Variants in NEXMIF observed in about 807,000 individuals in gnomAD.
The protein encoded by NEXMIF is neurite extension and migration factor.
A neutral mutation model predicts 62.1 loss-of-function variants in NEXMIF; 8 were observed. The observed-to-expected ratio is 0.13, with a 90% CI of 0.08 to 0.23. The LOEUF is 0.23. NEXMIF is among the 10% of genes least tolerant of loss of function. The pLI, the probability that NEXMIF is intolerant of heterozygous loss-of-function variation, is 1.00. For missense variants in NEXMIF, 976 were observed against 1,113.3 expected, an observed-to-expected ratio of 0.88 and a Z score of 1.75; for synonymous variants, 404 against 416.6, an observed-to-expected ratio of 0.97 and a Z score of 0.37.
intron 1 of NEXMIF, among the ~76,000 whole-genome samples, chrX:74,784,022 T>C (rs888175248): frequency 9.0e-6 from 1 of 111,725 alleles, no homozygotes; most frequent in Non-Finnish European, 1.9e-5. Context: ...AGAGGGCAAA[T>C]TTTTATAAAA....
chrX:74,759,020 C>T (rs1011793267), intron 1 of NEXMIF, among the ~76,000 whole-genome samples: 9 of 112,455 alleles, frequency 8.0e-5, no homozygotes, highest in African/African-American at 2.9e-4. Flanking sequence ...CTCCCACCAA[C>T]AGTGTATAAG....
At chrX:74,907,804 C>G (rs1356843067) in intron 1 of NEXMIF, among the ~76,000 whole-genome samples, 5 of 111,326 alleles carry the variant, frequency 4.5e-5, no homozygotes, top group Non-Finnish European at 9.4e-5. Flanking sequence ...CAAAAAACAC[C>G]AGTATATGAT....
At chrX:74,789,068 C>T (rs2147462708) in intron 1 of NEXMIF, among the ~76,000 whole-genome samples, 1 of 107,737 alleles carries the variant, frequency 9.3e-6, no homozygotes, top group East Asian at 2.9e-4. Flanking sequence ...TGCTGGTGCA[C>T]TGCACCCACT....
chrX:74,742,793 C>A lies in NEXMIF; in HGVS notation c.1764G>T (p.Trp588Cys), dbSNP rs2080111495. 1 of 1,209,196 alleles carries A rather than the reference C, an allele frequency of 8.3e-7. No individual in the cohort carries two copies. Among genetic ancestry groups the A allele is most frequent in the African/African-American group, 1.8e-5 (1 of 56,926 alleles). ...TGTTTCTCTGCTTCTTCTTCTTTTGCCAGAAGCCTTTCAAGGGTGCCAGCT... is the reference window on the plus strand; with the variant it reads ...TGTTTCTCTGCTTCTTCTTCTTTTGACAGAAGCCTTTCAAGGGTGCCAGCT... ...YAKLAPLKGF[W>C]QKKKKQRNTN... The change falls in exon 3 of 4, where the codon TGG (tryptophan) becomes TGT (cysteine). Residue 588 changes from tryptophan to cysteine, a missense_variant. This residue lies in a region of NEXMIF where 639 missense variants were observed against 694.5 expected (regional missense o/e 0.92). Coordinates refer to ENST00000055682, the MANE Select transcript of NEXMIF (RefSeq NM_001008537.3).
At chrX:74,892,647 G>A (rs1374141473) in intron 1 of NEXMIF, among the ~76,000 whole-genome samples, 1 of 112,074 alleles carries the variant, frequency 8.9e-6, no homozygotes, top group Non-Finnish European at 1.9e-5. Flanking sequence ...GATCAACTTT[G>A]CATTCATTTT....
intron 1 of NEXMIF, among the ~76,000 whole-genome samples, chrX:74,879,785 T>C (rs1281466873): frequency 8.9e-6 from 1 of 112,119 alleles, no homozygotes; most frequent in Non-Finnish European, 1.9e-5. Flanking sequence ...CTTTTTAACC[T>C]CACTATGACT....
rs769397317 is a variant in NEXMIF at position 74,787,769 on chromosome X, G to T, written c.-47-42072C>A. Among the ~76,000 whole-genome samples the T allele has an allele frequency of 8.0e-5, 9 of 111,912 alleles. 1 individual carries two copies. In the South Asian group the frequency reaches 3.4e-3, roughly 42 times the overall value. On this transcript the variant is annotated intron_variant, in intron 1 of 3. Transcript: ENST00000055682. ...AGCTGTGCTGAGATGCAAGGGCAAG[G>T]TTGAAAAAAACCTGACAACAGTTAT...
At position 74,738,238 on chromosome X, in the gene NEXMIF, T is replaced by C; in HGVS notation, c.*1167A>G. On this transcript the variant is annotated 3_prime_UTR_variant, in exon 4 of 4. Coordinates refer to ENST00000055682, the MANE Select transcript of NEXMIF (RefSeq NM_001008537.3). ...ATTGGTTATCCTCAGACTAAGGGTA[T>C]ATGGCCCAAATCAGTTGTTGCCACA... 8.9e-6 allele frequency: 1 copy of C among 111,885 alleles called. No homozygotes were observed. The highest frequency in any genetic ancestry group is 4.6e-3 in the Middle Eastern group (1 of 218). 9.2% of individuals were successfully genotyped at this position (111,885 alleles called of 1,213,427 possible).
At chrX:74,791,181 C>A (rs1048395157) in intron 1 of NEXMIF, among the ~76,000 whole-genome samples, 1 of 111,374 alleles carries the variant, frequency 9.0e-6, no homozygotes, top group Admixed American at 9.5e-5. Context: ...GAGTTTTTAG[C>A]GTGAATGGTT....
At chrX:74,864,728 G>A (rs370566776) in intron 1 of NEXMIF, among the ~76,000 whole-genome samples, 15 of 108,603 alleles carry the variant, frequency 1.4e-4, no homozygotes, top group African/African-American at 4.0e-4. Flanking sequence ...TTTTTTCTGA[G>A]ATGGAGTTTC....
chrX:74,894,954 T>C (rs1400050441), intron 1 of NEXMIF, among the ~76,000 whole-genome samples: 1 of 111,974 alleles, frequency 8.9e-6, no homozygotes, highest in Admixed American at 9.5e-5. Context: ...TTATTCAACA[T>C]AGTACTGGCA....
intron 1 of NEXMIF, among the ~76,000 whole-genome samples, chrX:74,817,596 C>T (rs1451664750): frequency 8.9e-6 from 1 of 111,804 alleles, no homozygotes; most frequent in African/African-American, 3.2e-5. Flanking sequence ...CATTCCATTG[C>T]TCACCTATGT....
Position 74,743,646 on chromosome X carries a change from C to A in NEXMIF, c.911G>T (p.Gly304Val), listed in dbSNP as rs376455886. Residue 304 changes from glycine (G) to valine (V), a missense_variant, in exon 3 of 4, where the codon GGC becomes GTC. Around this residue, in one of 5 missense-constraint regions of NEXMIF, gnomAD observed 45 missense variants for 86.8 expected, o/e 0.52. Transcript: ENST00000055682. ...AATTTTCAGGGAGCAGACATCACTGCCTAGTGTTGATTCATCATCATCAAA... is the reference window on the plus strand; with the variant it reads ...AATTTTCAGGGAGCAGACATCACTGACTAGTGTTGATTCATCATCATCAAA... The part of the protein sequence containing the change: ...YMFDDDESTL[G>V]SDVCSLKIRY... The A allele has an allele frequency of 4.1e-6, 5 of 1,208,594 alleles. No homozygotes were observed. Among genetic ancestry groups the A allele is most frequent in the Non-Finnish European group, 5.6e-6 (5 of 893,938 alleles).
Position 74,851,553 on chromosome X carries a change from A to G in NEXMIF, c.-48+73330T>C, listed in dbSNP as rs1160040859. Among the ~76,000 whole-genome samples, 3 of 110,282 alleles carry G rather than the reference A, an allele frequency of 2.7e-5. No homozygotes were observed. In the East Asian group the frequency reaches 8.4e-4, roughly 31 times the overall value. On this transcript the variant is annotated intron_variant, in intron 1 of 3. Transcript: ENST00000055682. ...TTTCTCAGCAGAAACTTAACAGGCC[A>G]GAAGAGAATGGGATGACATCTTCAA...
chrX:74,844,994 CTAAA>C (rs766194655), intron 1 of NEXMIF, among the ~76,000 whole-genome samples: 3 of 112,254 alleles, frequency 2.7e-5, no homozygotes, highest in Admixed American at 9.4e-5. Context: ...ATGGGTTTAG[CTAAA>C]TAAATAATGT....
chrX:74,824,284 C>G (rs146031848), intron 1 of NEXMIF, among the ~76,000 whole-genome samples: 1 of 111,893 alleles, frequency 8.9e-6, no homozygotes, highest in African/African-American at 3.2e-5. Context: ...CCATTCCCCA[C>G]AAGCCCCAGC....
chrX:74,911,220 G>A (rs2080788258), intron 1 of NEXMIF, among the ~76,000 whole-genome samples: 1 of 111,135 alleles, frequency 9.0e-6, no homozygotes, highest in African/African-American at 3.3e-5. Flanking sequence ...AGGAGTTTGA[G>A]ACCAGCCTTG....
intron 1 of NEXMIF, among the ~76,000 whole-genome samples, chrX:74,747,756 C>T (rs2080130091): frequency 9.1e-6 from 1 of 109,308 alleles, no homozygotes; most frequent in Non-Finnish European, 1.9e-5. Flanking sequence ...CTGGAATTAA[C>T]AGGCACGCAC....
At chrX:74,810,978 T>TTA (rs931072993) in intron 1 of NEXMIF, among the ~76,000 whole-genome samples, 3 of 111,431 alleles carry the variant, frequency 2.7e-5, no homozygotes, top group Admixed American at 1.9e-4. Context: ...GCACTGGACT[T>TTA]TATATATATT....
Sources: allele counts gnomAD v4.1 joint callset (sites outside exome capture counted in the v4.1 genomes callset), GRCh38; gene constraint gnomAD v4.1.1; regional missense constraint gnomAD v4.1.1; transcripts MANE v1.5; gene names NCBI Gene and HGNC (gene_info 2026-07-23, HGNC 2026-07-21).